ALG6: variants seen among roughly 807,000 people sequenced by gnomAD.
ALG6 encodes the protein ALG6 alpha-1,3-glucosyltransferase.
ALG6 carries 46 observed loss-of-function variants against 66.6 expected under a neutral mutation model. The observed-to-expected ratio is 0.69, with a 90% CI of 0.55 to 0.88. ALG6 has a LOEUF of 0.88. ALG6 is among the 40% of genes least tolerant of loss of function. ALG6 has a pLI of 0.00. For synonymous variants in ALG6, 185 were observed against 203.7 expected, an observed-to-expected ratio of 0.91 and a Z score of 0.78; for missense variants, 505 against 586.8, an observed-to-expected ratio of 0.86 and a Z score of 1.44.
At chr1:63,424,023 G>A (rs1191129398) in intron 12 of ALG6, among the ~76,000 whole-genome samples, 4 of 152,150 alleles carry the variant, frequency 2.6e-5, no homozygotes, top group Admixed American at 1.3e-4. Flanking sequence ...GGATATGAGT[G>A]GTATCTCATC....
chr1:63,428,879 G>A lies in ALG6; in HGVS notation c.1128-49G>A, dbSNP rs1373477198. On this transcript the variant is annotated intron_variant, in intron 13 of 14. Coordinates refer to ENST00000263440, the MANE Select transcript of ALG6 (RefSeq NM_013339.4). ...TAAAACTTTTTTATGAAGTGGTTATGGTTTGAATTGATAATTCTCTTGTGA... is the reference window on the plus strand; with the variant it reads ...TAAAACTTTTTTATGAAGTGGTTATAGTTTGAATTGATAATTCTCTTGTGA... 2.5e-6 allele frequency: 4 copies of A among 1,590,458 alleles called. No individual in the cohort carries two copies. In the South Asian group the frequency reaches 3.3e-5, roughly 13 times the overall value.
chr1:63,397,917 A>T (rs1319134910), intron 3 of ALG6, among the ~76,000 whole-genome samples: 1 of 152,186 alleles, frequency 6.6e-6, no homozygotes, highest in East Asian at 1.9e-4. Context: ...GATACATGTA[A>T]AGCACTTAGG....
chr1:63,428,647 CA>C (rs1644629517), intron 12 of ALG6, 85 bp from the exon 13 acceptor site: 1 of 1,035,040 alleles, frequency 9.7e-7, no homozygotes, highest in Admixed American at 2.4e-5. Flanking sequence ...GAAAATCAGA[CA>C]GATAAAATGT....
chr1:63,400,690 A>G (rs1644460926), intron 3 of ALG6, among the ~76,000 whole-genome samples: 1 of 152,080 alleles, frequency 6.6e-6, no homozygotes. Context: ...AGAAGCTGAA[A>G]ACCAAATCAA....
chr1:63,369,173 C>A (rs1447025270), intron 1 of ALG6, among the ~76,000 whole-genome samples: 2 of 152,108 alleles, frequency 1.3e-5, no homozygotes, highest in African/African-American at 4.8e-5. Context: ...AATTAGGAAG[C>A]AAATTGAAGG....
intron 2 of ALG6, among the ~76,000 whole-genome samples, chr1:63,373,981 A>G (rs1029027622): frequency 2.0e-5 from 3 of 152,188 alleles, no homozygotes; most frequent in Non-Finnish European, 4.4e-5. Context: ...TAAAGGATTT[A>G]TAGAAAGAAC....
intron 2 of ALG6, among the ~76,000 whole-genome samples, chr1:63,379,182 T>G (rs1648224250): frequency 6.6e-6 from 1 of 152,204 alleles, no homozygotes; most frequent in African/African-American, 2.4e-5. Context: ...TTTGGAACTT[T>G]TATCTGTGGG....
In ALG6 at chr1:63,406,190, G is replaced by A; in HGVS notation, c.347-127G>A. On this transcript the variant is annotated intron_variant, in intron 5 of 14. Transcript: ENST00000263440. ...ATTGAAAAGTGCTGACTGTGTAAAGGACTTGTCCATAGTAGGGCAAGAACC... is the reference window on the plus strand; with the variant it reads ...ATTGAAAAGTGCTGACTGTGTAAAGAACTTGTCCATAGTAGGGCAAGAACC... 5 of 798,536 alleles carry A rather than the reference G, an allele frequency of 6.3e-6. No individual in the cohort carries two copies. In the South Asian group the frequency reaches 7.1e-5, roughly 11 times the overall value. 49.5% of individuals were successfully genotyped at this position (798,536 alleles called of 1,614,324 possible). A position where few individuals can be genotyped will look rare whatever the true frequency, so the allele number is the denominator to read the frequency against.
chr1:63,429,534 C>T (rs77355487), intron 14 of ALG6: 1 of 165,060 alleles, frequency 6.1e-6, no homozygotes, highest in African/African-American at 2.4e-5. Context: ...ACTAAAAGTT[C>T]AAGATCAAGA....
chr1:63,382,296 G>A (rs1182997352), intron 2 of ALG6, among the ~76,000 whole-genome samples: 3 of 151,454 alleles, frequency 2.0e-5, no homozygotes, highest in South Asian at 2.1e-4. Context: ...CTGCCTCCCC[G>A]GTTCAAGCAA....
Position 63,415,880 on chromosome 1 carries a change from T to A in ALG6, c.910T>A (p.Ser304Thr). 1 of 1,606,176 alleles carries A rather than the reference T, an allele frequency of 6.2e-7. No homozygotes were observed. The highest frequency in any genetic ancestry group is 1.1e-5 in the South Asian group (1 of 90,732). ...TTTGTATTAATTTTTTAGCTTTTGT[T>A]CTACGTTTTTGAGCCTGCTTCCTGC... is the stretch of plus-strand genomic sequence containing the variant. ...RHIQLIMSFC[S>T]TFLSLLPACI... Residue 304 changes from serine (S) to threonine (T), a missense_variant, in exon 11 of 15, where the codon TCT becomes ACT. Transcript: ENST00000263440.
At chr1:63,395,735 A>G (rs1648805492) in intron 2 of ALG6, among the ~76,000 whole-genome samples, 1 of 152,162 alleles carries the variant, frequency 6.6e-6, no homozygotes, top group African/African-American at 2.4e-5. Context: ...TCGTGTTACT[A>G]TTTTATGGTA....
intron 2 of ALG6, among the ~76,000 whole-genome samples, chr1:63,395,219 G>A (rs1307025401): frequency 6.6e-6 from 1 of 152,166 alleles, no homozygotes; most frequent in Non-Finnish European, 1.5e-5. Context: ...GCACTATCAA[G>A]TGTTAGTTAT....
At chr1:63,429,451 A>T in intron 14 of ALG6, 1 of 243,774 alleles carries the variant, frequency 4.1e-6, no homozygotes, top group Non-Finnish European at 8.0e-6. Context: ...ATTGCATATA[A>T]ATGGAATGTA....
rs1244024222 is a variant in ALG6, at chr1:63,433,836, G to A, written c.1327-2987G>A. ...CAGCACCAGCATATGTAAAATATAT[G>A]GCATGTCAGAGGGTGATAAGTGCTA... On this transcript the variant is annotated intron_variant, in intron 14 of 14. Coordinates refer to ENST00000263440, the MANE Select transcript of ALG6 (RefSeq NM_013339.4). The surrounding 1 kb of genome is among the most constrained non-coding windows in gnomAD (Gnocchi z 4.2). 2.6e-5 allele frequency among the ~76,000 whole-genome samples: 4 copies of A among 152,178 alleles called. No homozygotes were observed. Among genetic ancestry groups the A allele is most frequent in the African/African-American group, 9.7e-5 (4 of 41,428 alleles).
At chr1:63,407,197 G>A (rs1195028418) in intron 7 of ALG6, 71 bp downstream of exon 7, 7 of 1,091,278 alleles carry the variant, frequency 6.4e-6, no homozygotes, top group Non-Finnish European at 9.9e-6. Flanking sequence ...GTACATTGCT[G>A]TCATCTAGTA....
At chr1:63,436,643 T>C (rs1557599863) in intron 14 of ALG6, among the ~76,000 whole-genome samples, 180 bp from the exon 15 acceptor site, 1 of 152,162 alleles carries the variant, frequency 6.6e-6, no homozygotes, top group Non-Finnish European at 1.5e-5. Flanking sequence ...ATGTGGGCAT[T>C]GAGATTTTAA....
chr1:63,375,341 T>C (rs1648086531), intron 2 of ALG6, among the ~76,000 whole-genome samples: 1 of 151,228 alleles, frequency 6.6e-6, no homozygotes, highest in South Asian at 2.1e-4. Context: ...GTTTCCTGGG[T>C]TCAAGCAATT....
chr1:63,437,346 C>A lies in ALG6; in HGVS notation c.*326C>A, dbSNP rs940510425. The A allele has an allele frequency of 3.5e-6, 1 of 285,572 alleles. No homozygotes were observed. Among genetic ancestry groups the A allele is most frequent in the Middle Eastern group, 1.3e-3 (1 of 786 alleles). 17.7% of individuals were successfully genotyped at this position (285,572 alleles called of 1,614,324 possible). On this transcript the variant is annotated 3_prime_UTR_variant, in exon 15 of 15. Transcript: ENST00000263440. ...GCACTTTTTAAATGTCTTTAAAAAACTGAGAAATATTTCTTGATATTTGCT... is the reference window on the plus strand; with the variant it reads ...GCACTTTTTAAATGTCTTTAAAAAAATGAGAAATATTTCTTGATATTTGCT...
Sources: allele counts gnomAD v4.1 joint callset (sites outside exome capture counted in the v4.1 genomes callset), GRCh38; gene constraint gnomAD v4.1.1; non-coding constraint Gnocchi (gnomAD v3.1); transcripts MANE v1.5; gene names NCBI Gene and HGNC (gene_info 2026-07-23, HGNC 2026-07-21).